The following GRM4 variants were observed in gnomAD, a reference collection of about 807,000 sequenced individuals.
GRM4 encodes the protein glutamate metabotropic receptor 4.
GRM4 carries 28 observed loss-of-function variants against 81.7 expected under a neutral mutation model. The observed-to-expected ratio is 0.34, with a 90% CI of 0.25 to 0.47. The LOEUF (loss-of-function observed/expected upper bound fraction) is 0.47, where lower values mean the gene tolerates loss of function less well. GRM4 is among the 20% of genes least tolerant of loss of function. The pLI, the probability that GRM4 is intolerant of heterozygous loss-of-function variation, is 1.00. For synonymous variants in GRM4, 488 were observed against 528.8 expected, an observed-to-expected ratio of 0.92 and a Z score of 1.06; for missense variants, 948 against 1,290.0, an observed-to-expected ratio of 0.73 and a Z score of 4.06.
chr6:34,076,748 C>T (rs1370254550), intron 3 of GRM4, among the ~76,000 whole-genome samples: 1 of 152,120 alleles, frequency 6.6e-6, no homozygotes, highest in Admixed American at 6.5e-5. Flanking sequence ...GGGGCTGGGG[C>T]CCAGGGCCCA....
At chr6:34,087,837 C>CACACAT (rs2127483644) in intron 3 of GRM4, among the ~76,000 whole-genome samples, 1 of 151,720 alleles carries the variant, frequency 6.6e-6, no homozygotes, top group East Asian at 1.9e-4. Flanking sequence ...CACACACACA[C>CACACAT]ACACGTCCTG....
intron 2 of GRM4, among the ~76,000 whole-genome samples, chr6:34,095,849 G>C (rs1317430970): frequency 2.0e-5 from 3 of 152,192 alleles, no homozygotes; most frequent in Non-Finnish European, 4.4e-5. Flanking sequence ...GGAGGTGCCA[G>C]GGGCCGCCAC....
rs1306144594 is a variant in GRM4, at chr6:34,020,332, G to A, written c.*2489C>T. 1 of 144,556 alleles carries A rather than the reference G, an allele frequency of 6.9e-6. No homozygotes were observed. The highest frequency in any genetic ancestry group is 2.9e-5 in the African/African-American group (1 of 34,476). 9.0% of individuals were successfully genotyped at this position (144,556 alleles called of 1,614,324 possible). On this transcript the variant is annotated 3_prime_UTR_variant, in exon 11 of 11. Transcript: ENST00000538487. The stretch of plus-strand genomic sequence containing the variant: ...GATGGGGGCCCCACAGATGTAGGGG[G>A]ACCTAGGCAAGTCCTGGACTGAGCA...
At chr6:34,126,432 A>T in intron 2 of GRM4, among the ~76,000 whole-genome samples, 1 of 152,158 alleles carries the variant, frequency 6.6e-6, no homozygotes, top group East Asian at 1.9e-4. Context: ...ACATTTACAG[A>T]GCAAGCCCTG....
intron 9 of GRM4, among the ~76,000 whole-genome samples, chr6:34,029,768 G>A (rs950999361): frequency 6.6e-6 from 1 of 152,246 alleles, no homozygotes; most frequent in Non-Finnish European, 1.5e-5. Flanking sequence ...AAGGTGAGGA[G>A]AAGAGACATG....
chr6:34,123,732 G>T (rs111646056), intron 2 of GRM4, among the ~76,000 whole-genome samples: 127 of 152,302 alleles, frequency 8.3e-4, no homozygotes, highest in African/African-American at 2.5e-3. Context: ...ACAAGGAAAC[G>T]GGGGCACAGA....
At chr6:34,065,153 A>C (rs778580432) in intron 3 of GRM4, among the ~76,000 whole-genome samples, 8 of 152,168 alleles carry the variant, frequency 5.3e-5, no homozygotes, top group Non-Finnish European at 1.2e-4. Context: ...ACACAGTCAC[A>C]GAATGCACGC....
At chr6:34,145,959 C>A in intron 1 of GRM4, 41 bp downstream of exon 1, 1 of 980,860 alleles carries the variant, frequency 1.0e-6, no homozygotes, top group Admixed American at 6.1e-5. Flanking sequence ...TTCCGGAAGC[C>A]CCCCCCTTCC....
rs896969271 is a variant in GRM4, at chr6:34,130,486, C to T, written c.519+2492G>A. ...CCTCTGTGGCCAGACAAACAGGGGA[C>T]ACCATGAACCCCCAGGATGGTAAGG... On this transcript the variant is annotated intron_variant, in intron 2 of 10. Transcript: ENST00000538487. This position sits in a 1 kb window ranked among gnomAD's most constrained non-coding sequence, Gnocchi z 4.1. Among the ~76,000 whole-genome samples the T allele has an allele frequency of 4.6e-5, 7 of 152,182 alleles. No individual in the cohort carries two copies. The highest frequency in any genetic ancestry group is 1.2e-4 in the African/African-American group (5 of 41,448).
rs994000181 is a variant in GRM4 at position 34,020,324 on chromosome 6, T to C, written c.*2497A>G. 1 of 151,662 alleles carries C rather than the reference T, an allele frequency of 6.6e-6. No individual in the cohort carries two copies. Among genetic ancestry groups the C allele is most frequent in the Non-Finnish European group, 1.5e-5 (1 of 68,094 alleles). The allele number at this position is 151,662 out of a possible 1,614,324, so 9.4% of individuals were successfully genotyped here. A position where few individuals can be genotyped will look rare whatever the true frequency, so the allele number is the denominator to read the frequency against. On this transcript the variant is annotated 3_prime_UTR_variant, in exon 11 of 11. Coordinates refer to ENST00000538487, the MANE Select transcript of GRM4 (RefSeq NM_000841.4). ...AGAACCTAGATGGGGGCCCCACAGA[T>C]GTAGGGGGACCTAGGCAAGTCCTGG...
At chr6:34,103,956 G>A in intron 2 of GRM4, 1 of 804,378 alleles carries the variant, frequency 1.2e-6, no homozygotes. Flanking sequence ...CACACAGGAG[G>A]TGCGACAGGG....
At chr6:34,155,166 G>C (rs1771124866) in exon 1 of GRM4, 1 of 1,535,388 alleles carries the variant, frequency 6.5e-7, no homozygotes. Context: ...CCTCGGATTC[G>C]TGCGCGGCCA....
upstream of GRM4, among the ~76,000 whole-genome samples, chr6:34,150,778 CG>C (rs1281668343): frequency 6.6e-6 from 1 of 152,194 alleles, no homozygotes; most frequent in Non-Finnish European, 1.5e-5. Context: ...TCCTTTCCAG[CG>C]GCCACGGGGC....
intron 6 of GRM4, among the ~76,000 whole-genome samples, chr6:34,045,919 TG>T (rs2127452029): frequency 6.6e-6 from 1 of 152,336 alleles, no homozygotes; most frequent in African/African-American, 2.4e-5. Flanking sequence ...GGCTCTGCCA[TG>T]GGTGACAGTC....
At chr6:34,134,815 T>G (rs184940114) in intron 1 of GRM4, among the ~76,000 whole-genome samples, 3 of 152,320 alleles carry the variant, frequency 2.0e-5, no homozygotes, top group African/African-American at 7.2e-5. Context: ...TCATTATTGT[T>G]GTTGTGATTA....
intron 2 of GRM4, chr6:34,102,041 C>A (rs1220713132): frequency 6.5e-7 from 1 of 1,535,588 alleles, no homozygotes; most frequent in Non-Finnish European, 8.7e-7. Context: ...ACCCCCAAAG[C>A]ATGGCCCTGA....
At chr6:34,135,715 T>C (rs1271966224) in intron 1 of GRM4, among the ~76,000 whole-genome samples, 2 of 152,218 alleles carry the variant, frequency 1.3e-5, no homozygotes, top group African/African-American at 2.4e-5. Flanking sequence ...ATCTCTGTCC[T>C]AGATGGCTAT....
At chr6:34,027,003 G>A (rs1228416348) in intron 10 of GRM4, among the ~76,000 whole-genome samples, 3 of 152,118 alleles carry the variant, frequency 2.0e-5, no homozygotes, top group Non-Finnish European at 4.4e-5. Context: ...CTTCATCTGG[G>A]GTTTCCGAAC....
chr6:34,107,496 G>A (rs900148541), intron 2 of GRM4, among the ~76,000 whole-genome samples: 9 of 152,182 alleles, frequency 5.9e-5, no homozygotes, highest in Admixed American at 6.5e-5. Context: ...ACACAAAATC[G>A]TGATGACCGA....
Sources: allele counts gnomAD v4.1 joint callset (sites outside exome capture counted in the v4.1 genomes callset), GRCh38; gene constraint gnomAD v4.1.1; non-coding constraint Gnocchi (gnomAD v3.1); transcripts MANE v1.5; gene names NCBI Gene and HGNC (gene_info 2026-07-23, HGNC 2026-07-21).